The following PCDHGB4 variants were observed in gnomAD, a reference collection of about 807,000 sequenced individuals.
The protein encoded by PCDHGB4 is protocadherin gamma subfamily B, 4.
A neutral mutation model predicts 60.5 loss-of-function variants in PCDHGB4; 38 were observed. The observed-to-expected ratio is 0.63, with a 90% CI of 0.48 to 0.82. The LOEUF (loss-of-function observed/expected upper bound fraction) is 0.82, where lower values mean the gene tolerates loss of function less well. Ranked by LOEUF, PCDHGB4 falls within the 40% of genes least tolerant of loss-of-function variation. The probability of loss-of-function intolerance (pLI) is 0.00; values close to 1 mark genes in which losing one functional copy is unlikely to be tolerated. For missense variants in PCDHGB4, 1,109 were observed against 1,209.6 expected, an observed-to-expected ratio of 0.92 and a Z score of 1.23; for synonymous variants, 456 against 509.7, an observed-to-expected ratio of 0.89 and a Z score of 1.42.
chr5:141,394,803 G>A lies in PCDHGB4; in HGVS notation c.2397+4522G>A, dbSNP rs143444747. The A allele has an allele frequency of 2.5e-6, 4 of 1,613,844 alleles. No homozygotes were observed. In the African/African-American group the frequency reaches 4.0e-5, roughly 16 times the overall value. On this transcript the variant is annotated intron_variant, in intron 1 of 3. Coordinates refer to ENST00000519479, the MANE Select transcript of PCDHGB4 (RefSeq NM_003736.4). Reference sequence around the variant, plus strand: ...CGCCACTGTCACGCTCACCGTAGCCGTGGCTGACAGCATCCCCGAAGTCCT... The same window carrying A: ...CGCCACTGTCACGCTCACCGTAGCCATGGCTGACAGCATCCCCGAAGTCCT...
Position 141,432,155 on chromosome 5 carries a change from C to T in PCDHGB4, c.2397+41874C>T, listed in dbSNP as rs368480052. 3.8e-5 allele frequency: 62 copies of T among 1,614,178 alleles called. No individual in the cohort carries two copies. In the African/African-American group the frequency reaches 7.1e-4, roughly 18 times the overall value. On this transcript the variant is annotated intron_variant, in intron 1 of 3. Coordinates refer to ENST00000519479, the MANE Select transcript of PCDHGB4 (RefSeq NM_003736.4). This position sits in a 1 kb window ranked among gnomAD's most constrained non-coding sequence, Gnocchi z 6.0. ...TTCCGCTTATATCCCAGAGAACAATCCCAGAGGAGTTTCCCTCGTCTCTGT... is the reference window on the plus strand; with the variant it reads ...TTCCGCTTATATCCCAGAGAACAATTCCAGAGGAGTTTCCCTCGTCTCTGT...
In PCDHGB4 at chr5:141,432,365, G is replaced by A. The variant is rs1561860587; in HGVS notation, c.2397+42084G>A. The A allele has an allele frequency of 6.2e-7, 1 of 1,614,224 alleles. No homozygotes were observed. The highest frequency in any genetic ancestry group is 2.2e-5 in the East Asian group (1 of 44,882). ...CTTGCAAGTGAAAGTGATGGCGCGG[G>A]ACAACGGGCACCCGCCCCTCAGCAG... On this transcript the variant is annotated intron_variant, in intron 1 of 3. Transcript: ENST00000519479. The surrounding 1 kb of genome is among the most constrained non-coding windows in gnomAD (Gnocchi z 6.0).
At chr5:141,420,501 A>T in intron 1 of PCDHGB4, 1 of 469,392 alleles carries the variant, frequency 2.1e-6, no homozygotes, top group East Asian at 4.1e-5. Context: ...CTCCGGTGAC[A>T]TTTTTATGAA....
At position 141,390,164 on chromosome 5, in the gene PCDHGB4, G is replaced by C; in HGVS notation, c.2280G>C (p.Thr760=). ...TATGTGTTGCACATACAGGAAAGAC[G>C]GAGTTTAATTTCCTAAAATGTAGTG... ...YNLCVAHTGK[T]EFNFLKCSEQ... is the part of the protein sequence containing the mutation. Residue 760 remains threonine (T), a synonymous_variant, in exon 1 of 4, where the codon ACG becomes ACC. Coordinates refer to ENST00000519479, the MANE Select transcript of PCDHGB4 (RefSeq NM_003736.4). 1 of 1,614,006 alleles carries C rather than the reference G, an allele frequency of 6.2e-7. No individual in the cohort carries two copies. The highest frequency in any genetic ancestry group is 8.5e-7 in the Non-Finnish European group (1 of 1,179,900).
intron 1 of PCDHGB4, among the ~76,000 whole-genome samples, chr5:141,471,978 A>C (rs1246474598): frequency 1.3e-5 from 2 of 152,184 alleles, no homozygotes; most frequent in African/African-American, 4.8e-5. Flanking sequence ...TTACTGTATA[A>C]ATTTATTAAA....
rs553587727 is a variant in PCDHGB4, at chr5:141,419,523, G to A, written c.2397+29242G>A. The A allele has an allele frequency of 2.1e-4, 343 of 1,612,204 alleles. 3 individuals are homozygous for A. The South Asian group carries it at 3.5e-3, about 17-fold the overall frequency. ...AGCCTGCGCGTGTTGGTGGGCGACC[G>A]TAACGACAACGCACCGCGGGTGCTG... On this transcript the variant is annotated intron_variant, in intron 1 of 3. Coordinates refer to ENST00000519479, the MANE Select transcript of PCDHGB4 (RefSeq NM_003736.4).
At chr5:141,402,096 A>G (rs1343417374) in intron 1 of PCDHGB4, among the ~76,000 whole-genome samples, 2 of 152,226 alleles carry the variant, frequency 1.3e-5, no homozygotes, top group Non-Finnish European at 2.9e-5. Context: ...GAAAAGTTTA[A>G]GCAATTACAA....
At chr5:141,419,151 C>T (rs2096335413) in intron 1 of PCDHGB4, 2 of 1,613,800 alleles carry the variant, frequency 1.2e-6, no homozygotes, top group African/African-American at 2.7e-5. Context: ...GGCAAGCCTC[C>T]GTTATCCTCC....
intron 1 of PCDHGB4, chr5:141,414,697 T>C (rs748722995): frequency 6.2e-7 from 1 of 1,614,036 alleles, no homozygotes; most frequent in Non-Finnish European, 8.5e-7. Flanking sequence ...TCTGTCCTCA[T>C]ACATATCCAT....
At position 141,511,140 on chromosome 5, in the gene PCDHGB4, C is replaced by G. The variant is rs1405623579; in HGVS notation, c.2739C>G (p.Asn913Lys). Residue 913 changes from asparagine (N) to lysine (K), a missense_variant, in exon 4 of 4, where the codon AAC becomes AAG. Physicochemically the swap from Asn to Lys is moderately conservative, Grantham distance 94. Transcript: ENST00000519479. ...AGGCCCCAGCAGGTGGCAATGGCAACAAGAAGAAGTCGGGCAAGAAGGAGA... is the reference window on the plus strand; with the variant it reads ...AGGCCCCAGCAGGTGGCAATGGCAAGAAGAAGAAGTCGGGCAAGAAGGAGA... Reference protein sequence around the residue: ...DGKAPAGGNGNKKKSGKKEKK With the variant: ...DGKAPAGGNGKKKKSGKKEKK 2.5e-6 allele frequency: 4 copies of G among 1,614,068 alleles called. No homozygotes were observed. Among genetic ancestry groups the G allele is most frequent in the Admixed American group, 1.7e-5 (1 of 60,008 alleles).
At chr5:141,447,950 G>T (rs1195519095) in intron 1 of PCDHGB4, among the ~76,000 whole-genome samples, 1 of 152,052 alleles carries the variant, frequency 6.6e-6, no homozygotes, top group Non-Finnish European at 1.5e-5. Flanking sequence ...GCTGGGCATG[G>T]TGGCGGACAC....
chr5:141,413,075 AG>A (rs1225722826), intron 1 of PCDHGB4: 11 of 1,246,492 alleles, frequency 8.8e-6, no homozygotes, highest in Non-Finnish European at 1.1e-5. Context: ...TAAAGTGCCC[AG>A]GCTACAGAGA....
rs781591902 is a variant in PCDHGB4, at chr5:141,477,086, G to A, written c.2398-17721G>A. The A allele has an allele frequency of 1.1e-5, 18 of 1,614,128 alleles. No individual in the cohort carries two copies. In the East Asian group the frequency reaches 3.8e-4, roughly 34 times the overall value. The stretch of plus-strand genomic sequence containing the variant: ...CAAACTCCATGAGATTTACATCCAG[G>A]CCAAAGACAAGGGCGCCAATCCCGA... On this transcript the variant is annotated intron_variant, in intron 1 of 3. Coordinates refer to ENST00000519479, the MANE Select transcript of PCDHGB4 (RefSeq NM_003736.4). The surrounding 1 kb of genome is among the most constrained non-coding windows in gnomAD (Gnocchi z 4.9).
At chr5:141,406,312 C>G (rs2094792276) in intron 1 of PCDHGB4, among the ~76,000 whole-genome samples, 1 of 152,028 alleles carries the variant, frequency 6.6e-6, no homozygotes, top group African/African-American at 2.4e-5. Context: ...CCACCTCACC[C>G]AGCAAATTCT....
Position 141,432,837 on chromosome 5 carries a change from T to C in PCDHGB4, c.2397+42556T>C. On this transcript the variant is annotated intron_variant, in intron 1 of 3. Transcript: ENST00000519479. This position sits in a 1 kb window ranked among gnomAD's most constrained non-coding sequence, Gnocchi z 6.0. ...GAAACCTCAGACCTCACTCTGTACC[T>C]GGTGGTAGCGGTGGCCGCGGTCTCC... The C allele has an allele frequency of 6.2e-7, 1 of 1,614,180 alleles. No individual in the cohort carries two copies. Among genetic ancestry groups the C allele is most frequent in the Non-Finnish European group, 8.5e-7 (1 of 1,180,004 alleles).
intron 1 of PCDHGB4, chr5:141,424,465 A>G (rs564844819): frequency 1.3e-5 from 2 of 152,146 alleles, no homozygotes; most frequent in Admixed American, 6.5e-5. Context: ...ATTTCCTTTT[A>G]TTCTTTTACT....
rs1468210173 is a variant in PCDHGB4 at position 141,512,170 on chromosome 5, A to T, written c.*997A>T. 1 of 152,720 alleles carries T rather than the reference A, an allele frequency of 6.5e-6. No homozygotes were observed. The highest frequency in any genetic ancestry group is 1.5e-5 in the Non-Finnish European group (1 of 68,120). The allele number at this position is 152,720 out of a possible 1,614,324, so 9.5% of individuals were successfully genotyped here. On this transcript the variant is annotated 3_prime_UTR_variant, in exon 4 of 4. Coordinates refer to ENST00000519479, the MANE Select transcript of PCDHGB4 (RefSeq NM_003736.4). ...TGGGCTGAGCTAACAGGACCAATGG[A>T]TTAAACTGGCATTTCAGTCCAAGGA...
chr5:141,487,404 C>T lies in PCDHGB4; in HGVS notation c.2398-7403C>T, dbSNP rs771371344. ...AGATCTCGAAGGAGGGAGGGGCTTC[C>T]CCCTTCCAATGGGATCCTCCGAATC... On this transcript the variant is annotated intron_variant, in intron 1 of 3. Transcript: ENST00000519479. The surrounding 1 kb of genome is among the most constrained non-coding windows in gnomAD (Gnocchi z 5.0). 2 of 1,614,178 alleles carry T rather than the reference C, an allele frequency of 1.2e-6. No homozygotes were observed. Among genetic ancestry groups the T allele is most frequent in the Non-Finnish European group, 8.5e-7 (1 of 1,180,032 alleles).
intron 1 of PCDHGB4, chr5:141,427,495 C>T: frequency 1.8e-6 from 1 of 562,648 alleles, no homozygotes; most frequent in South Asian, 1.5e-5. Flanking sequence ...AAGCTTGTAA[C>T]AGATGGGACC....
Sources: allele counts gnomAD v4.1 joint callset (sites outside exome capture counted in the v4.1 genomes callset), GRCh38; gene constraint gnomAD v4.1.1; non-coding constraint Gnocchi (gnomAD v3.1); transcripts MANE v1.5; gene names NCBI Gene and HGNC (gene_info 2026-07-23, HGNC 2026-07-21).